ASIP: variants seen among roughly 807,000 people sequenced by gnomAD.
ASIP encodes agouti-signaling protein.
In ASIP, 11 loss-of-function variants were observed where a neutral mutation model predicts 10.3. The ratio of observed to expected loss-of-function variants is 1.07; its 90% confidence interval spans 0.68 to 1.78. The LOEUF is 1.78. Ranked by LOEUF, ASIP falls within the 40% of genes most tolerant of loss-of-function variation. The pLI, the probability that ASIP is intolerant of heterozygous loss-of-function variation, is 0.00. For synonymous variants in ASIP, 70 were observed against 70.8 expected, an observed-to-expected ratio of 0.99 and a Z score of 0.06; for missense variants, 180 against 169.2, an observed-to-expected ratio of 1.06 and a Z score of -0.35.
At chr20:34,208,962 G>T (rs751648456) in intron 1 of ASIP, among the ~76,000 whole-genome samples, 3 of 152,196 alleles carry the variant, frequency 2.0e-5, no homozygotes, top group Admixed American at 6.5e-5. Context: ...TATGTTGATT[G>T]TGTATCCTGC....
chr20:34,257,090 GT>G (rs1222822302), intron 1 of ASIP, among the ~76,000 whole-genome samples: 154 of 88,322 alleles, frequency 1.7e-3, no homozygotes, highest in Non-Finnish European at 2.9e-3. Context: ...TTTGTTTTTT[GT>G]TTTTTGTTTT....
chr20:34,268,850 G>C, intron 3 of ASIP, 141 bp from the exon 4 acceptor site: 1 of 1,002,620 alleles, frequency 1.0e-6, no homozygotes, highest in South Asian at 1.6e-5. Context: ...TCTGACTGGG[G>C]GAGCGGGCGG....
chr20:34,241,046 A>C (rs980032239), upstream of ASIP, among the ~76,000 whole-genome samples: 1 of 152,160 alleles, frequency 6.6e-6, no homozygotes, highest in African/African-American at 2.4e-5. Flanking sequence ...CACGGACAGG[A>C]AAGACGCTCT....
chr20:34,227,225 A>G (rs1386303807), intron 1 of ASIP, among the ~76,000 whole-genome samples: 2 of 152,182 alleles, frequency 1.3e-5, no homozygotes, highest in Non-Finnish European at 1.5e-5. Flanking sequence ...CGTGTTAAAA[A>G]ATGCCATTTA....
chr20:34,226,839 T>G (rs2035096821), intron 1 of ASIP, among the ~76,000 whole-genome samples: 2 of 152,178 alleles, frequency 1.3e-5, no homozygotes, highest in South Asian at 4.1e-4. Context: ...TCCTCCCATC[T>G]TGGCCTCCCC....
intron 1 of ASIP, among the ~76,000 whole-genome samples, chr20:34,220,609 GAAGT>G (rs2035039615): frequency 6.9e-6 from 1 of 144,386 alleles, no homozygotes; most frequent in African/African-American, 2.7e-5. Context: ...AAAAAAAAAA[GAAGT>G]AAGCACAAGG....
chr20:34,250,800 C>T (rs569599901), intron 1 of ASIP, among the ~76,000 whole-genome samples: 4 of 152,200 alleles, frequency 2.6e-5, no homozygotes, highest in Admixed American at 2.0e-4. Flanking sequence ...CTTAGCCATG[C>T]CACATGACTG....
At chr20:34,235,498 C>T (rs1427640455) in intron 1 of ASIP, among the ~76,000 whole-genome samples, 1 of 151,894 alleles carries the variant, frequency 6.6e-6, no homozygotes, top group Non-Finnish European at 1.5e-5. Context: ...AACAAAAGTT[C>T]ACGAAGGTTC....
At chr20:34,255,674 C>T (rs2035555151) in intron 1 of ASIP, among the ~76,000 whole-genome samples, 1 of 152,192 alleles carries the variant, frequency 6.6e-6, no homozygotes, top group South Asian at 2.1e-4. Context: ...AAAAACCAGG[C>T]CATACAGAGA....
intron 1 of ASIP, among the ~76,000 whole-genome samples, chr20:34,197,096 C>T (rs1352115737): frequency 2.0e-5 from 3 of 151,138 alleles, no homozygotes; most frequent in Non-Finnish European, 2.9e-5. Flanking sequence ...CATAGCAGGT[C>T]GGGTGCAGTG....
At chr20:34,256,506 G>A (rs576279952) in intron 1 of ASIP, among the ~76,000 whole-genome samples, 8 of 152,108 alleles carry the variant, frequency 5.3e-5, no homozygotes, top group Non-Finnish European at 1.0e-4. Context: ...GTCTCTCTAT[G>A]TTGCCAGGCT....
At chr20:34,252,768 GGA>G (rs2035499497) in intron 1 of ASIP, among the ~76,000 whole-genome samples, 1 of 152,176 alleles carries the variant, frequency 6.6e-6, no homozygotes, top group Admixed American at 6.5e-5. Context: ...CTCAGTGGGG[GGA>G]AACCTTGGAC....
chr20:34,210,130 T>A (rs774480444), intron 1 of ASIP, among the ~76,000 whole-genome samples: 12 of 152,370 alleles, frequency 7.9e-5, no homozygotes, highest in Middle Eastern at 3.4e-3. Flanking sequence ...CACCTCATTC[T>A]TCCTGGACGC....
At chr20:34,219,820 T>G (rs1330309493) in intron 1 of ASIP, among the ~76,000 whole-genome samples, 1 of 152,240 alleles carries the variant, frequency 6.6e-6, no homozygotes, top group Non-Finnish European at 1.5e-5. Context: ...CTGGGAGCGG[T>G]GGCTCACGCC....
intron 1 of ASIP, among the ~76,000 whole-genome samples, chr20:34,224,689 G>A (rs1394839209): frequency 1.3e-5 from 2 of 151,758 alleles, no homozygotes; most frequent in East Asian, 1.9e-4. Context: ...CTTCTGAGGC[G>A]ACTCTAATGA....
intron 3 of ASIP, among the ~76,000 whole-genome samples, chr20:34,264,835 A>C (rs2035757458): frequency 8.0e-6 from 1 of 124,402 alleles, no homozygotes; most frequent in African/African-American, 3.2e-5. Flanking sequence ...TCACTCTGTC[A>C]CTCAGGCTGG....
chr20:34,269,101 C>A lies in ASIP; in HGVS notation c.333C>A (p.Cys111Ter). 6.4e-7 allele frequency: 1 copy of A among 1,567,382 alleles called. No individual in the cohort carries two copies. Among genetic ancestry groups the A allele is most frequent in the Non-Finnish European group, 8.6e-7 (1 of 1,157,092 alleles). Residue 111 changes from cysteine to a stop codon, truncating the protein, a stop_gained, in exon 4 of 4, where the codon TGC (cysteine) becomes TGA (stop). Coordinates refer to ENST00000374954, the MANE Select transcript of ASIP (RefSeq NM_001672.3). LOFTEE classifies it high-confidence loss of function. Reference sequence around the variant, plus strand: ...CGGCACCCGCCTGCTGCGACCCGTGCGCCTCCTGCCAGTGCCGCTTCTTCC... The same window carrying A: ...CGGCACCCGCCTGCTGCGACCCGTGAGCCTCCTGCCAGTGCCGCTTCTTCC... ...KPPAPACCDP[C>*]ASCQCRFFRS...
chr20:34,207,719 G>T (rs1173510407), intron 1 of ASIP, among the ~76,000 whole-genome samples: 1 of 151,922 alleles, frequency 6.6e-6, no homozygotes, highest in East Asian at 1.9e-4. Flanking sequence ...TGAGAAATGG[G>T]GGTATAGTTT....
Position 34,225,106 on chromosome 20 carries a change from A to G in ASIP, c.-11+30346A>G, listed in dbSNP as rs535095802. ...ACCCAGGCTGGAGTGCAATGGCACAATCTCAGCTCACTGCAACCTCTGCCT... is the reference window on the plus strand; with the variant it reads ...ACCCAGGCTGGAGTGCAATGGCACAGTCTCAGCTCACTGCAACCTCTGCCT... On this transcript the variant is annotated intron_variant, in intron 1 of 3. Transcript: ENST00000568305. Among the ~76,000 whole-genome samples the G allele has an allele frequency of 1.2e-4, 16 of 135,554 alleles. No individual in the cohort carries two copies. In the South Asian group the frequency reaches 3.8e-3, roughly 32 times the overall value. 88.9% of individuals were successfully genotyped at this position (135,554 alleles called of 152,430 possible).
Sources: gnomAD v4.1 joint callset for allele counts (sites outside exome capture counted in the v4.1 genomes callset) on GRCh38, gnomAD v4.1.1 for gene constraint, MANE v1.5 for transcripts, NCBI Gene and HGNC (gene_info 2026-07-23, HGNC 2026-07-21) for gene names.